NRXN1: variants seen among roughly 807,000 people sequenced by gnomAD.
The protein encoded by NRXN1 is neurexin-1.
Under a neutral mutation model 150.9 loss-of-function variants are expected in NRXN1, and 39 were observed. That is an observed-to-expected ratio of 0.26 (90% CI 0.20 to 0.34). NRXN1 has a LOEUF of 0.34. NRXN1 is among the 10% of genes least tolerant of loss of function. NRXN1 has a pLI of 1.00. For missense variants in NRXN1, 1,815 were observed against 1,949.9 expected (o/e 0.93, Z 1.30); for synonymous variants, 924 against 757.0 (o/e 1.22, Z -3.62).
intron 22 of NRXN1, among the ~76,000 whole-genome samples, chr2:49,941,320 C>G (rs2104351053): frequency 6.6e-6 from 1 of 150,742 alleles, no homozygotes; most frequent in Non-Finnish European, 1.5e-5. Flanking sequence ...ACAAAGCAGA[C>G]AAAAATCGGG....
At chr2:50,208,420 C>T (rs1291888466) in intron 18 of NRXN1, among the ~76,000 whole-genome samples, 3 of 152,116 alleles carry the variant, frequency 2.0e-5, no homozygotes, top group East Asian at 1.9e-4. Context: ...AATACAGTTC[C>T]GGTCTCCCTC....
intron 16 of NRXN1, among the ~76,000 whole-genome samples, chr2:50,466,853 A>C (rs1242613727): frequency 6.6e-6 from 1 of 151,808 alleles, no homozygotes; most frequent in Non-Finnish European, 1.5e-5. Flanking sequence ...ACCATTCATC[A>C]TGTGCAGATA....
intron 5 of NRXN1, among the ~76,000 whole-genome samples, chr2:50,674,773 G>A (rs1030561732): frequency 4.6e-5 from 7 of 152,004 alleles, no homozygotes; most frequent in African/African-American, 1.7e-4. Context: ...GAAAATAAAG[G>A]AAGAAGAATA....
rs192741726 is a variant in NRXN1, at chr2:50,568,507, A to G, written c.1321-15482T>C. ...GATCTGAAAAGACATTTCTCAAAAA[A>G]GGCATACAAATGTCAAAGAGGTATA... On this transcript the variant is annotated intron_variant, in intron 8 of 22. Transcript: ENST00000401669. 4.7e-3 allele frequency among the ~76,000 whole-genome samples: 713 copies of G among 152,316 alleles called. 5 individuals carry two copies. Among genetic ancestry groups the G allele is most frequent in the African/African-American group, 0.016 (674 of 41,576 alleles).
intron 17 of NRXN1, among the ~76,000 whole-genome samples, chr2:50,447,559 T>C (rs1028766447): frequency 5.6e-5 from 8 of 142,884 alleles, no homozygotes; most frequent in East Asian, 4.1e-4. Context: ...TATATATACA[T>C]ATATATATAT....
intron 5 of NRXN1, among the ~76,000 whole-genome samples, chr2:50,904,516 T>C (rs977652737): frequency 1.1e-4 from 17 of 152,076 alleles, no homozygotes; most frequent in African/African-American, 4.1e-4. Context: ...TCAGAGGTAG[T>C]GCAGTAAACT....
intron 5 of NRXN1, among the ~76,000 whole-genome samples, chr2:50,736,272 T>C (rs1055314821): frequency 1.3e-5 from 2 of 152,200 alleles, no homozygotes; most frequent in Non-Finnish European, 2.9e-5. Flanking sequence ...TTCCTCTTTC[T>C]GAATTCATCA....
At chr2:50,983,326 T>C (rs1176082785) in intron 2 of NRXN1, among the ~76,000 whole-genome samples, 1 of 152,116 alleles carries the variant, frequency 6.6e-6, no homozygotes, top group East Asian at 1.9e-4. Context: ...TCAATTTATT[T>C]CCTTTTCTAA....
At chr2:50,085,709 T>A (rs1438406659) in intron 19 of NRXN1, among the ~76,000 whole-genome samples, 1 of 151,766 alleles carries the variant, frequency 6.6e-6, no homozygotes, top group Non-Finnish European at 1.5e-5. Context: ...ATGGTTATTA[T>A]AAGAAAATTT....
chr2:50,167,648 T>TACA (rs951393417), intron 18 of NRXN1, among the ~76,000 whole-genome samples: 11 of 152,236 alleles, frequency 7.2e-5, no homozygotes, highest in African/African-American at 2.7e-4. Flanking sequence ...TACCTGGATT[T>TACA]ACAACTCTTT....
chr2:50,441,500 T>C (rs1318891716), intron 17 of NRXN1, among the ~76,000 whole-genome samples: 12 of 152,152 alleles, frequency 7.9e-5, no homozygotes, highest in South Asian at 2.1e-4. Context: ...TAATTTTAAT[T>C]GGGATAAATG....
At chr2:50,018,905 CTG>C (rs1421576814) in intron 21 of NRXN1, among the ~76,000 whole-genome samples, 1 of 152,088 alleles carries the variant, frequency 6.6e-6, no homozygotes, top group African/African-American at 2.4e-5. Context: ...AGAATCCTGT[CTG>C]TGTCTCATTT....
At chr2:50,473,378 A>C (rs529225106) in intron 15 of NRXN1, among the ~76,000 whole-genome samples, 2 of 152,012 alleles carry the variant, frequency 1.3e-5, no homozygotes, top group South Asian at 4.1e-4. Flanking sequence ...AAGAGATTAC[A>C]ATCTATGTTG....
chr2:50,970,622 C>CCA (rs1694850849), intron 2 of NRXN1, among the ~76,000 whole-genome samples: 2 of 152,206 alleles, frequency 1.3e-5, no homozygotes, highest in South Asian at 2.1e-4. Context: ...GAATGTTAAT[C>CCA]ACATTTTAGA....
intron 8 of NRXN1, among the ~76,000 whole-genome samples, chr2:50,609,492 T>C (rs894727612): frequency 5.9e-5 from 9 of 152,032 alleles, no homozygotes; most frequent in African/African-American, 1.9e-4. Flanking sequence ...GATATTACAA[T>C]ATACCAGGCA....
At chr2:50,333,642 G>A (rs1022091712) in intron 17 of NRXN1, among the ~76,000 whole-genome samples, 2 of 151,978 alleles carry the variant, frequency 1.3e-5, no homozygotes, top group African/African-American at 4.8e-5. Context: ...GAAGGTGTCT[G>A]AAAGAACACA....
Position 50,847,478 on chromosome 2 carries a change from G to T in NRXN1, c.832+74391C>A, listed in dbSNP as rs185014829. ...TCGCTTTAAATGATACAGAAGCGGG[G>T]AAGGGAAGTGCTGGGTAGAGAAAGG... On this transcript the variant is annotated intron_variant, in intron 5 of 22. Transcript: ENST00000401669. Among the ~76,000 whole-genome samples the T allele has an allele frequency of 6.9e-3, 1,048 of 152,212 alleles. 7 individuals carry two copies. The highest frequency in any genetic ancestry group is 0.015 in the South Asian group (74 of 4,822).
chr2:50,217,052 T>C (rs2063452432), intron 18 of NRXN1, among the ~76,000 whole-genome samples: 2 of 152,058 alleles, frequency 1.3e-5, no homozygotes, highest in Non-Finnish European at 2.9e-5. Flanking sequence ...TCTGTGATCG[T>C]GGTAAAACAC....
chr2:50,939,398 T>A (rs1227215310), intron 2 of NRXN1, among the ~76,000 whole-genome samples: 1 of 151,952 alleles, frequency 6.6e-6, no homozygotes, highest in Non-Finnish European at 1.5e-5. Context: ...AATAATTTTG[T>A]TTACAATCTA....
Sources: allele counts gnomAD v4.1 joint callset (sites outside exome capture counted in the v4.1 genomes callset), GRCh38; gene constraint gnomAD v4.1.1; transcripts MANE v1.5; gene names NCBI Gene and HGNC (gene_info 2026-07-23, HGNC 2026-07-21).